The following ZC3H18 variants were observed in gnomAD, a reference collection of about 807,000 sequenced individuals.
ZC3H18 encodes zinc finger CCCH domain-containing protein 18.
Under a neutral mutation model 106.1 loss-of-function variants are expected in ZC3H18, and 8 were observed. That is an observed-to-expected ratio of 0.08 (90% CI 0.04 to 0.14). The LOEUF (loss-of-function observed/expected upper bound fraction) is 0.14, where lower values mean the gene tolerates loss of function less well. ZC3H18 is among the 10% of genes least tolerant of loss of function. The pLI is 1.00. For synonymous variants in ZC3H18, 635 were observed against 522.1 expected (o/e 1.22, Z -2.95); for missense variants, 1,318 against 1,278.4 (o/e 1.03, Z -0.47).
chr16:88,571,954 T>C (rs1914433831), intron 1 of ZC3H18, among the ~76,000 whole-genome samples: 1 of 152,256 alleles, frequency 6.6e-6, no homozygotes, highest in South Asian at 2.1e-4. Context: ...ATTTCATCGG[T>C]GCTTCTTTGC....
chr16:88,627,457 C>T lies in ZC3H18; in HGVS notation c.2109-165C>T, dbSNP rs1054670094. On this transcript the variant is annotated intron_variant, in intron 13 of 17. Coordinates refer to ENST00000301011, the MANE Select transcript of ZC3H18 (RefSeq NM_144604.4). The surrounding 1 kb of genome is among the most constrained non-coding windows in gnomAD (Gnocchi z 4.5). ...CCCTGGCCTAGCCATGGGGACGTCC[C>T]TTACTTTGTAACCCTGAAACTGCCC... 1 of 935,988 alleles carries T rather than the reference C, an allele frequency of 1.1e-6. No homozygotes were observed. The highest frequency in any genetic ancestry group is 2.6e-5 in the East Asian group (1 of 38,338). 58.0% of individuals were successfully genotyped at this position (935,988 alleles called of 1,614,324 possible). A position where few individuals can be genotyped will look rare whatever the true frequency, so the allele number is the denominator to read the frequency against.
At chr16:88,614,506 C>T (rs1039576117) in intron 8 of ZC3H18, among the ~76,000 whole-genome samples, 56 of 152,352 alleles carry the variant, frequency 3.7e-4, no homozygotes, top group African/African-American at 1.2e-3. Flanking sequence ...GCTGCTTAGC[C>T]GGTGGCAAGT....
At chr16:88,614,171 C>T (rs900708923) in intron 8 of ZC3H18, among the ~76,000 whole-genome samples, 6 of 152,254 alleles carry the variant, frequency 3.9e-5, no homozygotes, top group Admixed American at 3.3e-4. Flanking sequence ...CCTACACCTT[C>T]CAGTAACACT....
chr16:88,610,888 G>C (rs964278597), intron 7 of ZC3H18, among the ~76,000 whole-genome samples: 1 of 152,252 alleles, frequency 6.6e-6, no homozygotes, highest in Non-Finnish European at 1.5e-5. Context: ...CAACGACACC[G>C]GGCTGTGACT....
chr16:88,608,134 T>G (rs1305779076), intron 6 of ZC3H18, among the ~76,000 whole-genome samples: 1 of 152,174 alleles, frequency 6.6e-6, no homozygotes, highest in African/African-American at 2.4e-5. Context: ...TATCATATCA[T>G]TTTGCAAATC....
At chr16:88,590,193 C>T (rs960119926) in intron 3 of ZC3H18, among the ~76,000 whole-genome samples, 1 of 152,218 alleles carries the variant, frequency 6.6e-6, no homozygotes, top group South Asian at 2.1e-4. Flanking sequence ...CTCAAGCAAT[C>T]CTTCCACCTC....
At chr16:88,590,632 G>A (rs537653158) in intron 3 of ZC3H18, among the ~76,000 whole-genome samples, 8 of 139,188 alleles carry the variant, frequency 5.7e-5, no homozygotes, top group East Asian at 2.2e-4. Flanking sequence ...GTGAGATCTC[G>A]GCTCGTTGGA....
At chr16:88,601,685 C>T (rs561501655) in intron 6 of ZC3H18, among the ~76,000 whole-genome samples, 1 of 152,224 alleles carries the variant, frequency 6.6e-6, no homozygotes, top group South Asian at 2.1e-4. Flanking sequence ...GCAGTCAGGG[C>T]TGAAAGGTTT....
At chr16:88,587,997 C>A (rs187890259) in intron 3 of ZC3H18, among the ~76,000 whole-genome samples, 1 of 152,300 alleles carries the variant, frequency 6.6e-6, no homozygotes, top group African/African-American at 2.4e-5. Flanking sequence ...CCAAGTCACA[C>A]GTGCATGTGA....
chr16:88,621,785 C>G (rs933385511), intron 8 of ZC3H18, among the ~76,000 whole-genome samples: 3 of 152,226 alleles, frequency 2.0e-5, no homozygotes, highest in Non-Finnish European at 4.4e-5. Flanking sequence ...GCCACCATAC[C>G]TGGGCTTATT....
At chr16:88,588,859 C>A (rs1432269515) in intron 3 of ZC3H18, among the ~76,000 whole-genome samples, 1 of 151,890 alleles carries the variant, frequency 6.6e-6, no homozygotes, top group African/African-American at 2.4e-5. Context: ...TGTACTCCAG[C>A]CTGGGCGACA....
intron 2 of ZC3H18, among the ~76,000 whole-genome samples, chr16:88,583,455 CA>C (rs963609237): frequency 1.3e-5 from 2 of 152,238 alleles, no homozygotes; most frequent in African/African-American, 2.4e-5. Context: ...CCCCGTGGTG[CA>C]AAGGGGAAGG....
In ZC3H18 at chr16:88,625,211, AAGCGGC is replaced by A. The variant is rs752320135; in HGVS notation, c.2061_2066del (p.Gly692_Ser693del). On this transcript the variant is annotated inframe_deletion, in exon 13 of 18. Transcript: ENST00000301011. ...GTTGCTTGTATTACAGGCGGACGCT[AAGCGGC>A]AGCGGCAGTGGCAGTGGTAGCAGCT... 1.1e-5 allele frequency: 17 copies of A among 1,590,768 alleles called. No homozygotes were observed. Among genetic ancestry groups the A allele is most frequent in the South Asian group, 5.7e-5 (5 of 87,146 alleles).
intron 8 of ZC3H18, among the ~76,000 whole-genome samples, chr16:88,613,963 C>T (rs1022941575): frequency 2.0e-5 from 3 of 152,282 alleles, no homozygotes; most frequent in East Asian, 1.9e-4. Flanking sequence ...AGAGCATGAA[C>T]GTTGCTCCGT....
At chr16:88,608,396 T>G (rs1905113445) in intron 6 of ZC3H18, 1 of 152,160 alleles carries the variant, frequency 6.6e-6, no homozygotes, top group Admixed American at 6.5e-5. Context: ...GGAGTTTCAC[T>G]CTTGTTGCCC....
rs751936074 is a variant in ZC3H18 at position 88,631,304 on chromosome 16, T to C, written c.*5T>C. On this transcript the variant is annotated 3_prime_UTR_variant, in exon 18 of 18. Coordinates refer to ENST00000301011, the MANE Select transcript of ZC3H18 (RefSeq NM_144604.4). Reference sequence around the variant, plus strand: ...AAGATCCCCGGGAAAGCATAGGCCGTGCCCCGACCGGACTGGACGCATTTT... The same window carrying C: ...AAGATCCCCGGGAAAGCATAGGCCGCGCCCCGACCGGACTGGACGCATTTT... The C allele has an allele frequency of 1.5e-5, 24 of 1,570,676 alleles. No homozygotes were observed. The highest frequency in any genetic ancestry group is 2.0e-5 in the Non-Finnish European group (23 of 1,157,920).
Position 88,628,762 on chromosome 16 carries a change from C to G in ZC3H18, c.2474C>G (p.Ala825Gly). The G allele has an allele frequency of 6.2e-7, 1 of 1,613,940 alleles. No individual in the cohort carries two copies. The highest frequency in any genetic ancestry group is 2.2e-5 in the East Asian group (1 of 44,860). ...EIKLTLLNKAADKGSRKRYEP... is the reference protein window; with the variant it reads ...EIKLTLLNKAGDKGSRKRYEP... ...CTGGCCTCTCTCTTGTCCCAGGCGG[C>G]TGATAAAGGAAGCAGGAAGCGCTAT... The change falls in exon 16 of 18, where the codon GCT (alanine) becomes GGT (glycine). Residue 825 changes from alanine (A) to glycine (G), a missense_variant. This residue lies in a region of ZC3H18 where 848 missense variants were observed against 821.7 expected (regional missense o/e 1.03). Coordinates refer to ENST00000301011, the MANE Select transcript of ZC3H18 (RefSeq NM_144604.4).
intron 6 of ZC3H18, among the ~76,000 whole-genome samples, chr16:88,601,410 T>G (rs1904744539): frequency 6.6e-6 from 1 of 152,174 alleles, no homozygotes; most frequent in Non-Finnish European, 1.5e-5. Flanking sequence ...GGATGGATTT[T>G]AGAACCTGGG....
intron 2 of ZC3H18, among the ~76,000 whole-genome samples, chr16:88,582,736 G>A (rs1362014247): frequency 6.6e-6 from 1 of 152,172 alleles, no homozygotes; most frequent in Non-Finnish European, 1.5e-5. Flanking sequence ...GCAGGCCACC[G>A]TCCTTACAGC....
Sources: allele counts gnomAD v4.1 joint callset (sites outside exome capture counted in the v4.1 genomes callset), GRCh38; gene constraint gnomAD v4.1.1; regional missense constraint gnomAD v4.1.1; non-coding constraint Gnocchi (gnomAD v3.1); transcripts MANE v1.5; gene names NCBI Gene and HGNC (gene_info 2026-07-23, HGNC 2026-07-21).